The following DST variants were observed in gnomAD, a reference collection of about 807,000 sequenced individuals.
The protein encoded by DST is dystonin.
DST carries 253 observed loss-of-function variants against 875.2 expected under a neutral mutation model. That is an observed-to-expected ratio of 0.29 (90% CI 0.26 to 0.32). The LOEUF (loss-of-function observed/expected upper bound fraction) is 0.32, where lower values mean the gene tolerates loss of function less well. Ranked by LOEUF, DST falls within the 10% of genes least tolerant of loss-of-function variation. The probability of loss-of-function intolerance (pLI) is 1.00; values close to 1 mark genes in which losing one functional copy is unlikely to be tolerated. For missense variants in DST, 8,287 were observed against 9,111.6 expected, an observed-to-expected ratio of 0.91 and a Z score of 3.68; for synonymous variants, 3,124 against 3,197.1, an observed-to-expected ratio of 0.98 and a Z score of 0.77.
chr6:56,726,524 T>C (rs1481844289), intron 5 of DST, among the ~76,000 whole-genome samples: 1 of 152,214 alleles, frequency 6.6e-6, no homozygotes, highest in Non-Finnish European at 1.5e-5. Context: ...TCCTACTACC[T>C]AGCTATAAAT....
At chr6:56,701,415 A>G (rs1194404278) in intron 8 of DST, among the ~76,000 whole-genome samples, 1 of 152,120 alleles carries the variant, frequency 6.6e-6, no homozygotes, top group Non-Finnish European at 1.5e-5. Flanking sequence ...ATCTACTTAT[A>G]AAAACAAAAG....
At chr6:56,717,557 C>A (rs576209393) in intron 5 of DST, among the ~76,000 whole-genome samples, 2 of 152,170 alleles carry the variant, frequency 1.3e-5, no homozygotes, top group African/African-American at 4.8e-5. Flanking sequence ...TTCCAGAGGT[C>A]GTAAGATATG....
At chr6:56,735,067 C>T in intron 5 of DST, 161 bp downstream of exon 5, 1 of 620,356 alleles carries the variant, frequency 1.6e-6, no homozygotes, top group Non-Finnish European at 2.9e-6. Context: ...CGTCCACACA[C>T]CAAATAATTA....
chr6:56,925,713 C>A (rs73463728), intron 2 of DST, among the ~76,000 whole-genome samples: 2,924 of 152,300 alleles, frequency 0.019, 92 homozygotes, highest in African/African-American at 0.066. Flanking sequence ...TTATATTTAT[C>A]CTTTCCAAGT....
chr6:56,746,185 T>C (rs772457610), intron 4 of DST, among the ~76,000 whole-genome samples: 22 of 151,966 alleles, frequency 1.4e-4, no homozygotes, highest in Non-Finnish European at 2.8e-4. Context: ...GGATCTCCCT[T>C]TTTTTGTCCA....
chr6:56,824,649 C>G (rs971177035), intron 4 of DST, among the ~76,000 whole-genome samples: 1 of 152,070 alleles, frequency 6.6e-6, no homozygotes, highest in Non-Finnish European at 1.5e-5. Context: ...GCGCCTCTGA[C>G]CGGCCGCGAC....
chr6:56,552,711 G>C lies in DST; in HGVS notation c.16081C>G (p.Gln5361Glu). 1 of 1,612,916 alleles carries C rather than the reference G, an allele frequency of 6.2e-7. No homozygotes were observed. The highest frequency in any genetic ancestry group is 8.5e-7 in the Non-Finnish European group (1 of 1,179,892). Residue 5361 changes from glutamine to glutamate, a missense_variant, in exon 61 of 104, where the codon CAA becomes GAA. Physicochemically the swap from Gln to Glu is conservative, Grantham distance 29. Around this residue, in one of 10 missense-constraint regions of DST, gnomAD observed 1,513 missense variants for 1,677.8 expected, o/e 0.90. Coordinates refer to ENST00000680361, the MANE Select transcript of DST (RefSeq NM_001374736.1). ...DVLLQVETIA[Q>E]EHSTLSQQVD... The stretch of plus-strand genomic sequence containing the variant: ...TGCTGACTTAGTGTACTATGCTCTT[G>C]AGCTATGGTTTCCACTTGTAATAAA...
chr6:56,892,076 C>T (rs1024245699), intron 3 of DST, among the ~76,000 whole-genome samples: 17 of 152,302 alleles, frequency 1.1e-4, no homozygotes, highest in African/African-American at 3.9e-4. Flanking sequence ...CTGATGTACC[C>T]TGCACATGTT....
chr6:56,940,275 A>T (rs2127784402), intron 2 of DST, among the ~76,000 whole-genome samples: 1 of 151,784 alleles, frequency 6.6e-6, no homozygotes, highest in African/African-American at 2.4e-5. Context: ...TATGCAATAT[A>T]TTTTTATGGA....
chr6:56,617,084 G>A, intron 36 of DST: 1 of 1,613,936 alleles, frequency 6.2e-7, no homozygotes, highest in Non-Finnish European at 8.5e-7. Context: ...CTTGTTAAGA[G>A]TTTTCTGAAC....
intron 78 of DST, among the ~76,000 whole-genome samples, 163 bp from the exon 79 acceptor site, chr6:56,501,856 CA>C (rs767958041): frequency 1.3e-5 from 2 of 150,776 alleles, no homozygotes; most frequent in Admixed American, 6.6e-5. Flanking sequence ...GAATTATAGG[CA>C]AAAAAAATAA....
rs746641066 is a variant in DST, at chr6:56,555,607, G to A, written c.14874C>T (p.Ser4958=). ...CCAAGTCACTCAGTTTATCAGAAAGGCTTCTCAGCAGGCTTTGATACTGTG... is the reference window on the plus strand; with the variant it reads ...CCAAGTCACTCAGTTTATCAGAAAGACTTCTCAGCAGGCTTTGATACTGTG... The part of the protein sequence containing the change: ...KSTQYQSLLR[S]LSDKLSDLDN... Residue 4958 remains serine (S), a synonymous_variant, in exon 60 of 104, where the codon AGC becomes AGT. Transcript: ENST00000680361. 1.2e-6 allele frequency: 2 copies of A among 1,613,990 alleles called. No individual in the cohort carries two copies. The highest frequency in any genetic ancestry group is 1.7e-6 in the Non-Finnish European group (2 of 1,179,888).
chr6:56,639,385 TG>T (rs1563377979), intron 21 of DST, 22 bp from the exon 22 acceptor site: 4 of 1,612,274 alleles, frequency 2.5e-6, no homozygotes, highest in Non-Finnish European at 3.4e-6. Context: ...AATTAAGAAG[TG>T]TGTTAGAAAA....
Position 56,607,118 on chromosome 6 carries a change from G to C in DST, c.7510C>G (p.Gln2504Glu). The C allele has an allele frequency of 1.2e-6, 2 of 1,613,222 alleles. No individual in the cohort carries two copies. The highest frequency in any genetic ancestry group is 1.1e-5 in the South Asian group (1 of 91,060). The change falls in exon 40 of 104, where the codon CAG becomes GAG. Residue 2504 changes from glutamine to glutamate, a missense_variant. This residue lies in a region of DST where 3,138 missense variants were observed against 3,116.6 expected (regional missense o/e 1.01). Coordinates refer to ENST00000680361, the MANE Select transcript of DST (RefSeq NM_001374736.1). ...AAINISLPGE[Q>E]YGQKSLNMIS... The stretch of plus-strand genomic sequence containing the variant: ...ATATTTAAAGATTTCTGTCCATACT[G>C]CTCTCCTGGTAAACTGATGTTAATA...
intron 2 of DST, among the ~76,000 whole-genome samples, chr6:56,937,911 A>G (rs1034312725): frequency 2.6e-5 from 4 of 152,160 alleles, no homozygotes; most frequent in Non-Finnish European, 5.9e-5. Flanking sequence ...GAAAGACTAC[A>G]TATTATATGA....
intron 2 of DST, chr6:56,945,885 AGGAT>A (rs1231396828): frequency 1.3e-5 from 2 of 152,074 alleles, no homozygotes; most frequent in Admixed American, 6.6e-5. Flanking sequence ...CTATAGGTAA[AGGAT>A]GAAGGAAGGA....
At chr6:56,871,405 A>C in intron 3 of DST, 1 of 1,528,740 alleles carries the variant, frequency 6.5e-7, no homozygotes, top group Non-Finnish European at 9.1e-7. Context: ...AGGTGTGCCC[A>C]GGCCAAGCAG....
chr6:56,687,427 C>A (rs1450710297), intron 9 of DST, among the ~76,000 whole-genome samples: 2 of 152,070 alleles, frequency 1.3e-5, no homozygotes, highest in African/African-American at 4.8e-5. Context: ...AGTTCCTGTT[C>A]CCACTATTTT....
chr6:56,777,763 G>A, intron 4 of DST, among the ~76,000 whole-genome samples: 1 of 151,590 alleles, frequency 6.6e-6, no homozygotes, highest in East Asian at 1.9e-4. Flanking sequence ...GAGTACAATG[G>A]CATGATTGCA....
Sources: gnomAD v4.1 joint callset for allele counts (sites outside exome capture counted in the v4.1 genomes callset) on GRCh38, gnomAD v4.1.1 for gene constraint, gnomAD v4.1.1 regional missense constraint, MANE v1.5 for transcripts, NCBI Gene and HGNC (gene_info 2026-07-23, HGNC 2026-07-21) for gene names.